The following DMD variants were observed in gnomAD, a reference collection of about 807,000 sequenced individuals.
The protein encoded by DMD is dystrophin, also known as mutant dystrophin.
DMD carries 63 observed loss-of-function variants against 330.1 expected under a neutral mutation model. That is an observed-to-expected ratio of 0.19 (90% CI 0.16 to 0.24). The LOEUF (loss-of-function observed/expected upper bound fraction) is 0.24, where lower values mean the gene tolerates loss of function less well. DMD is among the 10% of genes least tolerant of loss of function. The pLI is 1.00. For missense variants in DMD, 3,344 were observed against 2,684.1 expected (o/e 1.25, Z -5.43); for synonymous variants, 1,223 against 959.8 (o/e 1.27, Z -5.07).
At chrX:31,791,792 A>T (rs889596029) in intron 50 of DMD, among the ~76,000 whole-genome samples, 1 of 111,895 alleles carries the variant, frequency 8.9e-6, no homozygotes, top group Non-Finnish European at 1.9e-5. Flanking sequence ...AACTCTAGTT[A>T]ACCCATACAG....
At chrX:33,060,954 T>A (rs1452267421) in intron 1 of DMD, among the ~76,000 whole-genome samples, 1 of 112,492 alleles carries the variant, frequency 8.9e-6, no homozygotes, top group Admixed American at 9.5e-5. Context: ...ACAATTTTTT[T>A]AACTACAAAA....
chrX:32,908,201 A>G (rs975127939), intron 2 of DMD, among the ~76,000 whole-genome samples: 2 of 111,847 alleles, frequency 1.8e-5, no homozygotes, highest in Admixed American at 1.9e-4. Context: ...ACTTTATTTG[A>G]TTCAGTGACA....
chrX:32,568,217 AT>A (rs777433369), intron 15 of DMD, among the ~76,000 whole-genome samples: 5 of 112,363 alleles, frequency 4.4e-5, no homozygotes, highest in African/African-American at 1.6e-4. Flanking sequence ...GAAAGTCACC[AT>A]TAAAAATAAA....
At chrX:31,864,538 G>A (rs894438744) in intron 48 of DMD, among the ~76,000 whole-genome samples, 8 of 93,065 alleles carry the variant, frequency 8.6e-5, no homozygotes, top group East Asian at 3.5e-4. Flanking sequence ...TCCCCATGCC[G>A]GAGTGCAGTG....
At chrX:32,166,027 C>A (rs2096867187) in intron 44 of DMD, among the ~76,000 whole-genome samples, 1 of 111,560 alleles carries the variant, frequency 9.0e-6, no homozygotes, top group South Asian at 3.8e-4. Flanking sequence ...GTCAATTAAA[C>A]CTCTTTCCTT....
At chrX:31,954,798 T>C (rs955357844) in intron 45 of DMD, among the ~76,000 whole-genome samples, 6 of 110,191 alleles carry the variant, frequency 5.4e-5, no homozygotes, top group African/African-American at 2.0e-4. Context: ...ACCACTGAAC[T>C]GTATACTTAA....
chrX:32,328,772 G>A (rs2097664691), intron 41 of DMD, among the ~76,000 whole-genome samples: 1 of 109,763 alleles, frequency 9.1e-6, no homozygotes, highest in South Asian at 3.8e-4. Flanking sequence ...AAAATGAGAA[G>A]AAAGAAAAAG....
chrX:32,790,466 T>A (rs1165623837), intron 7 of DMD, among the ~76,000 whole-genome samples: 1 of 111,744 alleles, frequency 8.9e-6, no homozygotes, highest in East Asian at 2.8e-4. Flanking sequence ...AAGAAGCCCA[T>A]GCTGGGTTCC....
chrX:31,247,560 C>G (rs893333878), intron 63 of DMD, among the ~76,000 whole-genome samples: 36 of 103,531 alleles, frequency 3.5e-4, no homozygotes, highest in African/African-American at 1.1e-3. Flanking sequence ...TAGATCACGC[C>G]ACTGCACTCC....
intron 55 of DMD, among the ~76,000 whole-genome samples, chrX:31,535,990 G>A (rs1204099054): frequency 2.7e-5 from 3 of 112,003 alleles, no homozygotes; most frequent in African/African-American, 9.7e-5. Flanking sequence ...TTAACACCTA[G>A]AAAATCAGCT....
chrX:33,118,643 A>G (rs1470042780), intron 1 of DMD, among the ~76,000 whole-genome samples: 1 of 111,938 alleles, frequency 8.9e-6, no homozygotes, highest in Non-Finnish European at 1.9e-5. Flanking sequence ...TAGCGATAAA[A>G]TTAATGAGAA....
chrX:33,071,873 T>C (rs1447578228), intron 1 of DMD, among the ~76,000 whole-genome samples: 1 of 112,025 alleles, frequency 8.9e-6, no homozygotes, highest in Non-Finnish European at 1.9e-5. Context: ...GCAAAGCATC[T>C]TTTACATTTT....
chrX:31,181,546 C>A (rs41309717), intron 68 of DMD, among the ~76,000 whole-genome samples: 1 of 110,348 alleles, frequency 9.1e-6, no homozygotes, highest in African/African-American at 3.4e-5. Context: ...CCACTCCCCA[C>A]CCCCATGGTA....
chrX:31,379,313 CCT>C (rs1199634022), intron 60 of DMD, among the ~76,000 whole-genome samples: 2 of 111,001 alleles, frequency 1.8e-5, no homozygotes, highest in African/African-American at 6.6e-5. Context: ...CCAGCAATTT[CCT>C]CTTAAAAAGG....
intron 11 of DMD, among the ~76,000 whole-genome samples, chrX:32,638,015 T>C (rs1193558383): frequency 8.9e-6 from 1 of 112,128 alleles, no homozygotes; most frequent in African/African-American, 3.2e-5. Flanking sequence ...ATTGTATTAT[T>C]AGTACAAGAG....
intron 55 of DMD, among the ~76,000 whole-genome samples, chrX:31,575,629 T>G (rs2076058038): frequency 8.9e-6 from 1 of 111,926 alleles, no homozygotes; most frequent in Non-Finnish European, 1.9e-5. Flanking sequence ...TGTGTCTGCT[T>G]TGTGTGAAGG....
intron 44 of DMD, among the ~76,000 whole-genome samples, chrX:32,202,008 G>A (rs1312476024): frequency 2.7e-5 from 3 of 111,424 alleles, no homozygotes; most frequent in Non-Finnish European, 5.6e-5. Flanking sequence ...TCCTTTTTGG[G>A]AACTCTATAA....
At chrX:31,181,684 T>C (rs985180543) in intron 68 of DMD, among the ~76,000 whole-genome samples, 4 of 112,216 alleles carry the variant, frequency 3.6e-5, no homozygotes, top group South Asian at 7.4e-4. Context: ...GTAAACAGCA[T>C]GACTATGGAA....
chrX:31,829,785 A>G (rs2092978941), intron 49 of DMD, among the ~76,000 whole-genome samples: 1 of 112,243 alleles, frequency 8.9e-6, no homozygotes, highest in Non-Finnish European at 1.9e-5. Flanking sequence ...CTGAATAAAT[A>G]AAGGACTCTA....
Sources: allele counts gnomAD v4.1 joint callset (sites outside exome capture counted in the v4.1 genomes callset), GRCh38; gene constraint gnomAD v4.1.1; transcripts MANE v1.5; gene names NCBI Gene and HGNC (gene_info 2026-07-23, HGNC 2026-07-21).